MRGPRF: variants seen among roughly 807,000 people sequenced by gnomAD.
MRGPRF encodes mas-related G protein-coupled receptor member F.
Under a neutral mutation model 3.3 loss-of-function variants are expected in MRGPRF, and 2 were observed. That is an observed-to-expected ratio of 0.61 (90% CI 0.25 to 1.92). The LOEUF is 1.92. Among genes scored for constraint, MRGPRF ranks in the 40% most tolerant of loss-of-function variants. The pLI, the probability that MRGPRF is intolerant of heterozygous loss-of-function variation, is 0.16. For missense variants in MRGPRF, 500 were observed against 476.0 expected, an observed-to-expected ratio of 1.05 and a Z score of -0.47; for synonymous variants, 242 against 222.7, an observed-to-expected ratio of 1.09 and a Z score of -0.77.
rs750813142 is a variant in MRGPRF at position 69,005,360 on chromosome 11, C to T, written c.950G>A (p.Gly317Asp). The change falls in exon 3 of 3, where the codon GGC becomes GAC. Residue 317 changes from glycine (G) to aspartate (D), a missense_variant. By Grantham distance (94) the Gly-to-Asp change is moderately conservative (BLOSUM62 -1). Coordinates refer to ENST00000309099, the MANE Select transcript of MRGPRF (RefSeq NM_145015.5). ...GCCCCCGGCCTCCCCCAGCTCAGCG[C>T]CGTCCCGCAGGGCCCGCTGGAAGAC... ...RVVFQRALRDGAELGEAGGST... is the reference protein window; with the variant it reads ...RVVFQRALRDDAELGEAGGST... 6.4e-7 allele frequency: 1 copy of T among 1,568,822 alleles called. No individual in the cohort carries two copies. The highest frequency in any genetic ancestry group is 8.6e-7 in the Non-Finnish European group (1 of 1,158,020).
chr11:69,009,877 C>A lies in MRGPRF; in HGVS notation c.25G>T (p.Ala9Ser). MAGNCSWE[A>S]HPGNRNKMCP... The stretch of plus-strand genomic sequence containing the variant: ...ACCTTGTTCCTGTTGCCGGGATGGG[C>A]CTCCCAGGAGCAGTTTCCAGCCATC... The change falls in exon 2 of 3, where the codon GCC (alanine) becomes TCC (serine). Residue 9 changes from alanine (A) to serine (S), a missense_variant. Coordinates refer to ENST00000309099, the MANE Select transcript of MRGPRF (RefSeq NM_145015.5). 1 of 1,609,418 alleles carries A rather than the reference C, an allele frequency of 6.2e-7. No individual in the cohort carries two copies. Among genetic ancestry groups the A allele is most frequent in the Non-Finnish European group, 8.5e-7 (1 of 1,179,638 alleles).
chr11:69,013,508 G>C (rs1860650826), upstream of MRGPRF: 1 of 152,466 alleles, frequency 6.6e-6, no homozygotes, highest in Admixed American at 6.5e-5. Flanking sequence ...GCCCAGGAGA[G>C]GGAGCACCGG....
chr11:69,005,229 G>T lies in MRGPRF; in HGVS notation c.*49C>A, dbSNP rs1860444801. On this transcript the variant is annotated 3_prime_UTR_variant, in exon 3 of 3. Transcript: ENST00000309099. The stretch of plus-strand genomic sequence containing the variant: ...GTGCCCATTCCTGTCCCAAGGCGAA[G>T]GGTCTTGGAGGCCGCTTCCTGCCCC... The T allele has an allele frequency of 4.2e-6, 6 of 1,442,178 alleles. No individual in the cohort carries two copies. Among genetic ancestry groups the T allele is most frequent in the Non-Finnish European group, 5.4e-6 (6 of 1,103,992 alleles). The allele number at this position is 1,442,178 out of a possible 1,614,324, so 89.3% of individuals were successfully genotyped here. A position where few individuals can be genotyped will look rare whatever the true frequency, so the allele number is the denominator to read the frequency against.
chr11:69,008,592 C>A (rs552837705), intron 2 of MRGPRF, among the ~76,000 whole-genome samples: 29 of 152,332 alleles, frequency 1.9e-4, no homozygotes, highest in Admixed American at 4.6e-4. Context: ...GAGGTCAGGG[C>A]AAGCACTGTA....
At chr11:69,007,117 C>T (rs59506005) in intron 2 of MRGPRF, among the ~76,000 whole-genome samples, 1 of 152,058 alleles carries the variant, frequency 6.6e-6, no homozygotes, top group Non-Finnish European at 1.5e-5. Context: ...ACTGTGGCTA[C>T]GCACATTTTC....
intron 2 of MRGPRF, 82 bp from the exon 3 acceptor site, chr11:69,006,343 G>GGGT: frequency 3.6e-5 from 6 of 166,608 alleles, no homozygotes; most frequent in Non-Finnish European, 3.6e-5. Context: ...GCGTGGGGGA[G>GGGT]GGGGGGGGTC....
In MRGPRF at chr11:69,005,840, T is replaced by C. The variant is rs2154012460; in HGVS notation, c.470A>G (p.Lys157Arg). Residue 157 changes from lysine (K) to arginine (R), a missense_variant, in exon 3 of 3, where the codon AAG (lysine) becomes AGG (arginine). By Grantham distance (26) the Lys-to-Arg change is conservative. Transcript: ENST00000309099. The stretch of plus-strand genomic sequence containing the variant: ...GGCGCACACCACGGCCGACAGGCGC[T>C]TGGGCCGCCGGCGCCAGTACCAGGC... ...FPAWYWRRRP[K>R]RLSAVVCALL... 1.3e-6 allele frequency: 2 copies of C among 1,536,898 alleles called. No individual in the cohort carries two copies. The highest frequency in any genetic ancestry group is 4.8e-5 in the East Asian group (2 of 41,898).
At chr11:69,007,333 G>A (rs1860510325) in intron 2 of MRGPRF, among the ~76,000 whole-genome samples, 2 of 152,188 alleles carry the variant, frequency 1.3e-5, no homozygotes, top group African/African-American at 2.4e-5. Flanking sequence ...TCAGGCTCCC[G>A]AGTAGCTGGG....
In MRGPRF at chr11:69,009,652, C is replaced by T. The variant is rs1218307577; in HGVS notation, c.48+202G>A. On this transcript the variant is annotated intron_variant, in intron 2 of 2. Coordinates refer to ENST00000309099, the MANE Select transcript of MRGPRF (RefSeq NM_145015.5). ...AGGTCCAGTCCTGGTGCTTGCCTCACTGATGAGGACAGGAGGGTAGGAGGG... is the reference window on the plus strand; with the variant it reads ...AGGTCCAGTCCTGGTGCTTGCCTCATTGATGAGGACAGGAGGGTAGGAGGG... The T allele has an allele frequency of 7.3e-6, 5 of 687,304 alleles. No homozygotes were observed. In the Admixed American group the frequency reaches 1.1e-4, roughly 15 times the overall value. 42.6% of individuals were successfully genotyped at this position (687,304 alleles called of 1,614,324 possible).
In MRGPRF at chr11:69,006,162, T is replaced by C; in HGVS notation, c.148A>G (p.Ile50Val). ...CCACACAGGCAGAGGAGCAGGAAGATGTAGTTCATGACGGCCGGAGGCGGC... is the reference window on the plus strand; with the variant it reads ...CCACACAGGCAGAGGAGCAGGAAGACGTAGTTCATGACGGCCGGAGGCGGC... Reference protein sequence around the residue: ...MLPPPAVMNYIFLLLCLCGLV... With the variant: ...MLPPPAVMNYVFLLLCLCGLV... Residue 50 changes from isoleucine to valine, a missense_variant, in exon 3 of 3, where the codon ATC becomes GTC. Ile to Val is a conservative substitution (Grantham distance 29). Transcript: ENST00000309099. The C allele has an allele frequency of 6.2e-7, 1 of 1,613,968 alleles. No individual in the cohort carries two copies. The highest frequency in any genetic ancestry group is 8.5e-7 in the Non-Finnish European group (1 of 1,180,006).
chr11:69,010,748 C>G (rs1433580853), intron 1 of MRGPRF, among the ~76,000 whole-genome samples: 1 of 152,084 alleles, frequency 6.6e-6, no homozygotes, highest in Non-Finnish European at 1.5e-5. Context: ...TGCACCCACC[C>G]TAGGGCTGCC....
At chr11:69,006,640 T>TTTG (rs1860497512) in intron 2 of MRGPRF, among the ~76,000 whole-genome samples, 1 of 140,980 alleles carries the variant, frequency 7.1e-6, no homozygotes, top group Non-Finnish European at 1.5e-5. Flanking sequence ...TTTTTTTTTT[T>TTTG]GAGACAGAGT....
At chr11:69,012,383 C>T (rs370334957) in intron 1 of MRGPRF, 85 of 152,436 alleles carry the variant, frequency 5.6e-4, no homozygotes, top group African/African-American at 2.0e-3. Flanking sequence ...CTGTCTCGCT[C>T]CCCCAGACAC....
Position 69,005,552 on chromosome 11 carries a change from A to G in MRGPRF, c.758T>C (p.Ile253Thr). The G allele has an allele frequency of 4.4e-6, 7 of 1,586,276 alleles. No homozygotes were observed. Among genetic ancestry groups the G allele is most frequent in the Non-Finnish European group, 6.0e-6 (7 of 1,166,662 alleles). ...AMVSVFLVSS[I>T]YLGIDWFLFW... ...GAGGAACCAGTCGATCCCTAAGTAGATGGAGGACACCAGGAAGACGGAGAC... is the reference window on the plus strand; with the variant it reads ...GAGGAACCAGTCGATCCCTAAGTAGGTGGAGGACACCAGGAAGACGGAGAC... Residue 253 changes from isoleucine (I) to threonine (T), a missense_variant, in exon 3 of 3, where the codon ATC becomes ACC. Transcript: ENST00000309099.
Position 69,005,385 on chromosome 11 carries a change from C to T in MRGPRF, c.925G>A (p.Val309Ile). 1 of 1,575,262 alleles carries T rather than the reference C, an allele frequency of 6.3e-7. No individual in the cohort carries two copies. Among genetic ancestry groups the T allele is most frequent in the Non-Finnish European group, 8.6e-7 (1 of 1,160,980 alleles). Residue 309 changes from valine (V) to isoleucine (I), a missense_variant, in exon 3 of 3, where the codon GTC becomes ATC. Val to Ile is a conservative substitution (Grantham distance 29, BLOSUM62 3). Transcript: ENST00000309099. The stretch of plus-strand genomic sequence containing the variant: ...CCGTCCCGCAGGGCCCGCTGGAAGA[C>T]CACCCTGAGCGGCTCCCACAGCCGC... ...SQRLWEPLRV[V>I]FQRALRDGAE...
In MRGPRF at chr11:69,006,013, G is replaced by C. The variant is rs1319444792; in HGVS notation, c.297C>G (p.Phe99Leu). Reference sequence around the variant, plus strand: ...GGAAGCCCCCCGTGTTCAGGATGGAGAACACCGCCTTGCTGAAGAGGTAGC... The same window carrying C: ...GGAAGCCCCCCGTGTTCAGGATGGACAACACCGCCTTGCTGAAGAGGTAGC... ...DVGYLFSKAVFSILNTGGFLG... is the reference protein window; with the variant it reads ...DVGYLFSKAVLSILNTGGFLG... Residue 99 changes from phenylalanine to leucine, a missense_variant, in exon 3 of 3, where the codon TTC becomes TTG. Transcript: ENST00000309099. The C allele has an allele frequency of 6.4e-7, 1 of 1,570,320 alleles. No homozygotes were observed. The highest frequency in any genetic ancestry group is 8.6e-7 in the Non-Finnish European group (1 of 1,157,342).
chr11:69,007,075 A>G lies in MRGPRF; in HGVS notation c.49-814T>C, dbSNP rs142850176. Among the ~76,000 whole-genome samples the G allele has an allele frequency of 3.4e-3, 520 of 152,346 alleles. 3 individuals carry two copies. Among genetic ancestry groups the G allele is most frequent in the African/African-American group, 0.011 (448 of 41,586 alleles). ...GACGATGCAGAGATAATGGCATTGC[A>G]TCGGTGTTGCAGCTTTTGAATGTGA... On this transcript the variant is annotated intron_variant, in intron 2 of 2. Coordinates refer to ENST00000309099, the MANE Select transcript of MRGPRF (RefSeq NM_145015.5).
chr11:69,007,704 A>G (rs1368069364), intron 2 of MRGPRF, among the ~76,000 whole-genome samples: 1 of 152,150 alleles, frequency 6.6e-6, no homozygotes, highest in Non-Finnish European at 1.5e-5. Context: ...TGTAAGTTAC[A>G]TTTAAAAAAA....
chr11:69,007,497 C>T lies in MRGPRF; in HGVS notation c.49-1236G>A, dbSNP rs372982257. 1.3e-4 allele frequency among the ~76,000 whole-genome samples: 20 copies of T among 152,270 alleles called. No homozygotes were observed. In the East Asian group the frequency reaches 1.4e-3, roughly 10 times the overall value. Reference sequence around the variant, plus strand: ...TGCTGGGATTAGAGGCGTGAGCCACCGCACCCAGCCTTGCAATTTACTTTC... The same window carrying T: ...TGCTGGGATTAGAGGCGTGAGCCACTGCACCCAGCCTTGCAATTTACTTTC... On this transcript the variant is annotated intron_variant, in intron 2 of 2. Transcript: ENST00000309099.
Sources: gnomAD v4.1 joint callset for allele counts (sites outside exome capture counted in the v4.1 genomes callset) on GRCh38, gnomAD v4.1.1 for gene constraint, MANE v1.5 for transcripts, NCBI Gene and HGNC (gene_info 2026-07-23, HGNC 2026-07-21) for gene names.